The following SLC2A6 variants were observed in gnomAD, a reference collection of about 807,000 sequenced individuals.
SLC2A6 encodes solute carrier family 2, facilitated glucose transporter member 6.
Under a neutral mutation model 47.8 loss-of-function variants are expected in SLC2A6, and 39 were observed. That is an observed-to-expected ratio of 0.82 (90% CI 0.63 to 1.07). The LOEUF is 1.07. SLC2A6 is among the 50% of genes least tolerant of loss of function. SLC2A6 has a pLI of 0.00. For synonymous variants in SLC2A6, 346 were observed against 324.1 expected (o/e 1.07, Z -0.73); for missense variants, 650 against 707.6 (o/e 0.92, Z 0.92).
At position 133,475,411 on chromosome 9, in the gene SLC2A6, C is replaced by T. The variant is rs782019130; in HGVS notation, c.763G>A (p.Val255Ile). Residue 255 changes from valine (V) to isoleucine (I), a missense_variant, in exon 5 of 10, where the codon GTC becomes ATC. Physicochemically the swap from Val to Ile is conservative, Grantham distance 29 (BLOSUM62 3). Coordinates refer to ENST00000371899, the MANE Select transcript of SLC2A6 (RefSeq NM_017585.4). ...HWEFEQIQDN[V>I]RRQSSRVSWA... is the part of the protein sequence containing the mutation. ...ACACCCTCCTGCACCTGTCTCCGGA[C>T]GTTGTCCTGGATCTGCTCGAACTCC... 26 of 1,601,868 alleles carry T rather than the reference C, an allele frequency of 1.6e-5. No individual in the cohort carries two copies. Among genetic ancestry groups the T allele is most frequent in the African/African-American group, 1.2e-4 (9 of 74,764 alleles).
chr9:133,473,209 A>G lies in SLC2A6; in HGVS notation c.1264T>C (p.Ser422Pro). Residue 422 changes from serine (S) to proline (P), a missense_variant, in exon 9 of 10, where the codon TCT becomes CCT. Transcript: ENST00000371899. ...GWGPITWLLMSEVLPLRARGV... is the reference protein window; with the variant it reads ...GWGPITWLLMPEVLPLRARGV... ...CGGGCACGCAGGGGCAGGACCTCAG[A>G]CATGAGCAGCCAGGTGATGGGACCC... The G allele has an allele frequency of 6.2e-7, 1 of 1,600,124 alleles. No homozygotes were observed. Among genetic ancestry groups the G allele is most frequent in the Non-Finnish European group, 8.5e-7 (1 of 1,174,360 alleles).
intron 1 of SLC2A6, 125 bp from the exon 2 acceptor site, chr9:133,478,541 CAT>C: frequency 1.9e-6 from 2 of 1,058,290 alleles, no homozygotes; most frequent in Non-Finnish European, 2.8e-6. Context: ...GGTCCAAGGC[CAT>C]TCACGTTCCC....
Position 133,473,494 on chromosome 9 carries a change from C to A in SLC2A6, c.1143G>T (p.Gly381=). ...GTGCTGCCAGGGGCTGCGCCAAGTC[C>A]CCCCAGGACTCGCTTTCCAGGCCCG... ...STAGLESESW[G]DLAQPLAAPA... The change falls in exon 8 of 10, where the codon GGG becomes GGT. Residue 381 remains glycine, a synonymous_variant. Coordinates refer to ENST00000371899, the MANE Select transcript of SLC2A6 (RefSeq NM_017585.4). 6.2e-7 allele frequency: 1 copy of A among 1,602,782 alleles called. No individual in the cohort carries two copies. The highest frequency in any genetic ancestry group is 1.1e-5 in the South Asian group (1 of 89,082).
intron 1 of SLC2A6, 113 bp downstream of exon 1, chr9:133,478,855 C>T (rs1402432736): frequency 4.5e-6 from 4 of 888,418 alleles, no homozygotes; most frequent in East Asian, 5.8e-5. Context: ...GCCAGATGGC[C>T]CCTCGGTGGC....
At chr9:133,474,133 C>T (rs782356689) in intron 6 of SLC2A6, 45 bp from the exon 7 acceptor site, 47 of 1,473,808 alleles carry the variant, frequency 3.2e-5, no homozygotes, top group Non-Finnish European at 4.2e-5. Flanking sequence ...GCCTGCTGTT[C>T]CCATCCCCCT....
chr9:133,477,044 G>A lies in SLC2A6; in HGVS notation c.453C>T (p.Ala151=). The change falls in exon 3 of 10, where the codon GCC becomes GCT. Residue 151 remains alanine, a synonymous_variant. Coordinates refer to ENST00000371899, the MANE Select transcript of SLC2A6 (RefSeq NM_017585.4). ...GAAGGCCTGGCCTTACCGGGATGCA[G>A]GCAGCTGTGAGCCCCCCGGCGAAGC... is the stretch of plus-strand genomic sequence containing the variant. ...LTGFAGGLTA[A]CIPVYVSEIA... The A allele has an allele frequency of 6.5e-7, 1 of 1,547,590 alleles. No individual in the cohort carries two copies. Among genetic ancestry groups the A allele is most frequent in the South Asian group, 1.2e-5 (1 of 83,924 alleles).
chr9:133,474,084 G>T lies in SLC2A6; in HGVS notation c.932C>A (p.Pro311His). The T allele has an allele frequency of 6.3e-7, 1 of 1,597,686 alleles. No homozygotes were observed. The part of the protein sequence containing the change: ...IFDSTAVLLP[P>H]KDDAAIVGAV... ...CCCAACGATGGCTGCGTCGTCCTTG[G>T]GGGGCTATCGGGGGGAGACCACCAG... Residue 311 changes from proline (P) to histidine (H), a missense_variant, in exon 7 of 10, where the codon CCC becomes CAC. Physicochemically the swap from Pro to His is moderately conservative, Grantham distance 77. Transcript: ENST00000371899.
intron 4 of SLC2A6, 84 bp downstream of exon 4, chr9:133,476,153 A>C: frequency 1.8e-6 from 2 of 1,095,890 alleles, no homozygotes; most frequent in Non-Finnish European, 2.7e-6. Context: ...TCTGGGACAA[A>C]TCATTCCCTT....
intron 6 of SLC2A6, among the ~76,000 whole-genome samples, chr9:133,474,505 G>T (rs1479914380): frequency 6.6e-6 from 1 of 152,228 alleles, no homozygotes; most frequent in Non-Finnish European, 1.5e-5. Context: ...TGAACCTGGG[G>T]TCTGTGGCCT....
Position 133,471,738 on chromosome 9 carries a change from C to T in SLC2A6, c.*283G>A. 1 of 378,810 alleles carries T rather than the reference C, an allele frequency of 2.6e-6. No individual in the cohort carries two copies. Among genetic ancestry groups the T allele is most frequent in the Non-Finnish European group, 4.8e-6 (1 of 207,640 alleles). The allele number at this position is 378,810 out of a possible 1,614,324, so 23.5% of individuals were successfully genotyped here. A position where few individuals can be genotyped will look rare whatever the true frequency, so the allele number is the denominator to read the frequency against. On this transcript the variant is annotated 3_prime_UTR_variant, in exon 10 of 10. Coordinates refer to ENST00000371899, the MANE Select transcript of SLC2A6 (RefSeq NM_017585.4). The stretch of plus-strand genomic sequence containing the variant: ...AAGGGAAAGGGACTAGGCCTGAGGT[C>T]ACCCAGCAGGGCCGTGTCCCTGGAT...
At chr9:133,475,375 G>T in intron 5 of SLC2A6, 25 bp downstream of exon 5, 1 of 1,560,936 alleles carries the variant, frequency 6.4e-7, no homozygotes. Context: ...GGGCCTGCCC[G>T]GTTCGGGCGC....
intron 6 of SLC2A6, 92 bp from the exon 7 acceptor site, chr9:133,474,180 C>T (rs1843854929): frequency 2.0e-6 from 2 of 1,002,088 alleles, no homozygotes; most frequent in Non-Finnish European, 3.0e-6. Context: ...ATTGCAGGGG[C>T]TCAGGCCAGC....
rs587651375 is a variant in SLC2A6 at position 133,478,572 on chromosome 9, C to A, written c.93-156G>T. Reference sequence around the variant, plus strand: ...CGTTCCCAGGGCCTGAGCCCCAGCTCCCCTGGGAAATTCCCAGGCCATTGT... The same window carrying A: ...CGTTCCCAGGGCCTGAGCCCCAGCTACCCTGGGAAATTCCCAGGCCATTGT... On this transcript the variant is annotated intron_variant, in intron 1 of 9. Transcript: ENST00000371899. 9.7e-5 allele frequency: 75 copies of A among 772,136 alleles called. No homozygotes were observed. The African/African-American group carries it at 1.3e-3, about 13-fold the overall frequency. The allele number at this position is 772,136 out of a possible 1,614,324, so 47.8% of individuals were successfully genotyped here. A position where few individuals can be genotyped will look rare whatever the true frequency, so the allele number is the denominator to read the frequency against.
At chr9:133,473,862 G>A in intron 7 of SLC2A6, 118 bp downstream of exon 7, 11 of 874,028 alleles carry the variant, frequency 1.3e-5, no homozygotes, top group Non-Finnish European at 1.9e-5. Flanking sequence ...ATGCTAGGGA[G>A]GCAGGTGCTC....
At position 133,478,330 on chromosome 9, in the gene SLC2A6, G is replaced by T. The variant is rs370358917; in HGVS notation, c.179C>A (p.Ser60Tyr). The T allele has an allele frequency of 2.5e-6, 4 of 1,614,038 alleles. No individual in the cohort carries two copies. The highest frequency in any genetic ancestry group is 3.4e-6 in the Non-Finnish European group (4 of 1,180,036). The change falls in exon 2 of 10, where the codon TCC becomes TAC. Residue 60 changes from serine to tyrosine, a missense_variant. By Grantham distance (144) the Ser-to-Tyr change is moderately radical. Transcript: ENST00000371899. ...GCGCTCCAGGGCTGGGATGACAGGG[G>T]ATGTGTAGACCAGGGCATACCCAAA... Reference protein sequence around the residue: ...FSFGYALVYTSPVIPALERSL... With the variant: ...FSFGYALVYTYPVIPALERSL...
chr9:133,472,034 G>A lies in SLC2A6; in HGVS notation c.1511C>T (p.Ser504Phe), dbSNP rs1554801623. ...GGGGACCTTGACCTAGCGCAAGAAGGACCTTCTCCCCGTGCGGAAGAAGGA... is the reference window on the plus strand; with the variant it reads ...GGGGACCTTGACCTAGCGCAAGAAGAACCTTCTCCCCGTGCGGAAGAAGGA... ...IESFFRTGRR[S>F]FLR The change falls in exon 10 of 10, where the codon TCC becomes TTC. Residue 504 changes from serine to phenylalanine, a missense_variant. Physicochemically the swap from Ser to Phe is radical, Grantham distance 155. Transcript: ENST00000371899. 6.2e-7 allele frequency: 1 copy of A among 1,612,814 alleles called. No homozygotes were observed. The highest frequency in any genetic ancestry group is 8.5e-7 in the Non-Finnish European group (1 of 1,179,598).
At chr9:133,475,862 C>G (rs1411307572) in intron 4 of SLC2A6, among the ~76,000 whole-genome samples, 7 of 152,176 alleles carry the variant, frequency 4.6e-5, no homozygotes, top group Non-Finnish European at 1.0e-4. Flanking sequence ...CAGGCAAGGC[C>G]CTAGGCCTCC....
intron 4 of SLC2A6, among the ~76,000 whole-genome samples, chr9:133,475,911 C>T (rs967763854): frequency 6.6e-6 from 1 of 152,266 alleles, no homozygotes; most frequent in Non-Finnish European, 1.5e-5. Context: ...AGCAGCTGCA[C>T]GCACTGTGAT....
chr9:133,473,919 C>A, intron 7 of SLC2A6, 61 bp downstream of exon 7: 1 of 1,331,676 alleles, frequency 7.5e-7, no homozygotes, highest in Non-Finnish European at 1.0e-6. Context: ...GCCTGCACAC[C>A]CAGCCCAGCC....
Sources: gnomAD v4.1 joint callset for allele counts (sites outside exome capture counted in the v4.1 genomes callset) on GRCh38, gnomAD v4.1.1 for gene constraint, MANE v1.5 for transcripts, NCBI Gene and HGNC (gene_info 2026-07-23, HGNC 2026-07-21) for gene names.